Variants in EMID1 observed in about 807,000 individuals in gnomAD.
EMID1 encodes EMI domain containing 1.
A neutral mutation model predicts 60.6 loss-of-function variants in EMID1; 40 were observed. The observed-to-expected ratio is 0.66, with a 90% confidence interval of 0.51 to 0.86. The LOEUF (loss-of-function observed/expected upper bound fraction) is 0.86, where lower values mean the gene tolerates loss of function less well. Among genes scored for constraint, EMID1 ranks in the 40% least tolerant of loss-of-function variants. EMID1 has a pLI of 0.00. For synonymous variants in EMID1, 242 were observed against 231.0 expected (o/e 1.05, Z -0.43); for missense variants, 585 against 597.1 (o/e 0.98, Z 0.21).
intron 8 of EMID1, chr22:29,233,127 G>A: frequency 1.8e-6 from 1 of 550,636 alleles, no homozygotes; most frequent in Non-Finnish European, 3.3e-6. Context: ...TACAGGCTCT[G>A]AAAAGTAGAA....
At chr22:29,241,908 AT>A (rs1458085249) in intron 12 of EMID1, among the ~76,000 whole-genome samples, 5 of 151,106 alleles carry the variant, frequency 3.3e-5, no homozygotes, top group African/African-American at 1.2e-4. Context: ...TGTGCTTTAT[AT>A]TTCTTTATTT....
chr22:29,213,625 G>A (rs980417881), intron 1 of EMID1, among the ~76,000 whole-genome samples: 2 of 152,108 alleles, frequency 1.3e-5, no homozygotes, highest in Admixed American at 1.3e-4. Context: ...TGTGAAGGCC[G>A]GGACATTCCA....
At position 29,231,340 on chromosome 22, in the gene EMID1, G is replaced by A. The variant is rs768882268; in HGVS notation, c.586+200G>A. ...GAATGCTGCAGTCCCTGGAGACCAA[G>A]CAGCCCCAGCAGACCCTGCCTGGAG... On this transcript the variant is annotated intron_variant, in intron 6 of 14. Coordinates refer to ENST00000334018, the MANE Select transcript of EMID1 (RefSeq NM_133455.4). 8 of 877,448 alleles carry A rather than the reference G, an allele frequency of 9.1e-6. No individual in the cohort carries two copies. In the South Asian group the frequency reaches 1.4e-4, roughly 15 times the overall value. 54.4% of individuals were successfully genotyped at this position (877,448 alleles called of 1,614,324 possible). A position where few individuals can be genotyped will look rare whatever the true frequency, so the allele number is the denominator to read the frequency against.
At chr22:29,233,518 A>AG (rs771010483) in intron 9 of EMID1, 50 bp downstream of exon 9, 2 of 1,608,194 alleles carry the variant, frequency 1.2e-6, no homozygotes, top group Non-Finnish European at 1.7e-6. Context: ...TAGATGGCAG[A>AG]GGGAATAGGG....
chr22:29,251,301 G>A (rs750012748), intron 13 of EMID1, among the ~76,000 whole-genome samples: 3 of 151,190 alleles, frequency 2.0e-5, no homozygotes, highest in Non-Finnish European at 4.4e-5. Flanking sequence ...AGGCTGGTCT[G>A]GAACTCCTGA....
At chr22:29,254,165 GC>G in intron 13 of EMID1, 37 bp from the exon 14 acceptor site, 2 of 1,612,700 alleles carry the variant, frequency 1.2e-6, no homozygotes. Flanking sequence ...CCCCTCCCCT[GC>G]CCCCTTCACG....
chr22:29,225,147 G>A lies in EMID1; in HGVS notation c.334G>A (p.Ala112Thr), dbSNP rs746858616. ...VSCEEVAASS[A>T]SLEPMWSGST... is the part of the protein sequence containing the mutation. ...CCATCCCTTAGTTGCAGCTTCCTCT[G>A]CCTCCTTGGAGCCCATGTGGTCGGG... The change falls in exon 4 of 15, where the codon GCC (alanine) becomes ACC (threonine). Residue 112 changes from alanine to threonine, a missense_variant. Ala to Thr is a moderately conservative substitution (Grantham distance 58). Transcript: ENST00000334018. 10 of 1,613,788 alleles carry A rather than the reference G, an allele frequency of 6.2e-6. No homozygotes were observed. In the Admixed American group the frequency reaches 6.7e-5, roughly 11 times the overall value.
chr22:29,249,614 AT>A (rs2041451706), intron 13 of EMID1, among the ~76,000 whole-genome samples: 1 of 146,830 alleles, frequency 6.8e-6, no homozygotes, highest in Non-Finnish European at 1.5e-5. Flanking sequence ...TTATTTATTT[AT>A]TTATTTATTT....
chr22:29,253,931 G>A lies in EMID1; in HGVS notation c.1120-272G>A, dbSNP rs112201913. 1.4e-3 allele frequency: 1,365 copies of A among 985,436 alleles called. 14 individuals are homozygous for A. In the African/African-American group the frequency reaches 0.022, roughly 16 times the overall value. 61.0% of individuals were successfully genotyped at this position (985,436 alleles called of 1,614,324 possible). ...AAGATTGGCTCCCCCTGCCTTCAGC[G>A]CAGCAGGATTTGCGGCCTTGTCAGA... On this transcript the variant is annotated intron_variant, in intron 13 of 14. Transcript: ENST00000334018.
At chr22:29,228,172 A>G (rs1273650681) in intron 5 of EMID1, among the ~76,000 whole-genome samples, 1 of 150,672 alleles carries the variant, frequency 6.6e-6, no homozygotes, top group Non-Finnish European at 1.5e-5. Flanking sequence ...AAAAAAAAAA[A>G]AAAAATGAGC....
intron 14 of EMID1, chr22:29,255,333 C>T: frequency 6.6e-7 from 1 of 1,522,592 alleles, no homozygotes; most frequent in Non-Finnish European, 8.9e-7. Context: ...CCAGACGGGT[C>T]ACCCTCCTGG....
chr22:29,229,243 G>T (rs1407157187), intron 5 of EMID1, among the ~76,000 whole-genome samples: 3 of 152,170 alleles, frequency 2.0e-5, no homozygotes, highest in African/African-American at 7.2e-5. Flanking sequence ...AGAGGCTGAG[G>T]CAGGAGGATC....
intron 4 of EMID1, 73 bp downstream of exon 4, chr22:29,225,289 T>TACCA: frequency 1.3e-6 from 2 of 1,498,462 alleles, no homozygotes; most frequent in Non-Finnish European, 1.8e-6. Context: ...GGCAGTTTGG[T>TACCA]AACTGTCCTA....
intron 3 of EMID1, among the ~76,000 whole-genome samples, chr22:29,217,554 C>T (rs2040134030): frequency 6.6e-6 from 1 of 152,222 alleles, no homozygotes; most frequent in South Asian, 2.1e-4. Flanking sequence ...GGGAAAGGCA[C>T]CATCACTAAA....
At chr22:29,246,868 G>A (rs922555051) in intron 13 of EMID1, among the ~76,000 whole-genome samples, 1 of 152,138 alleles carries the variant, frequency 6.6e-6, no homozygotes, top group Non-Finnish European at 1.5e-5. Flanking sequence ...TCCCAGGCTG[G>A]TCTCAAATTC....
intron 12 of EMID1, among the ~76,000 whole-genome samples, chr22:29,234,995 G>A (rs1057058400): frequency 3.9e-5 from 6 of 152,064 alleles, no homozygotes; most frequent in African/African-American, 1.4e-4. Flanking sequence ...AGACCAGCTT[G>A]GGCAACATGA....
chr22:29,248,207 C>T (rs2041397310), intron 13 of EMID1, among the ~76,000 whole-genome samples: 1 of 150,366 alleles, frequency 6.7e-6, no homozygotes, highest in Admixed American at 6.6e-5. Context: ...GATCCGCCTG[C>T]TTCGGTCTCC....
intron 3 of EMID1, among the ~76,000 whole-genome samples, chr22:29,218,111 C>T (rs553408688): frequency 1.2e-4 from 18 of 152,378 alleles, no homozygotes; most frequent in African/African-American, 4.1e-4. Context: ...AAGTAGCACT[C>T]ATGCTTGGCT....
At chr22:29,231,369 G>A (rs2146290523) in intron 6 of EMID1, 4 of 811,342 alleles carry the variant, frequency 4.9e-6, no homozygotes, top group Non-Finnish European at 4.0e-6. Context: ...CCTGGAGGTC[G>A]GGGGGAGCTG....
Sources: allele counts gnomAD v4.1 joint callset (sites outside exome capture counted in the v4.1 genomes callset), GRCh38; gene constraint gnomAD v4.1.1; transcripts MANE v1.5; gene names NCBI Gene and HGNC (gene_info 2026-07-23, HGNC 2026-07-21).